ARHGAP44: variants seen among roughly 807,000 people sequenced by gnomAD.
ARHGAP44 encodes the protein rho GTPase-activating protein 44.
A neutral mutation model predicts 106.8 loss-of-function variants in ARHGAP44; 43 were observed. That is an observed-to-expected ratio of 0.40 (90% CI 0.32 to 0.52). ARHGAP44 has a LOEUF of 0.52. ARHGAP44 is among the 20% of genes least tolerant of loss of function. The pLI is 0.48. For missense variants in ARHGAP44, 866 were observed against 1,050.5 expected, an observed-to-expected ratio of 0.82 and a Z score of 2.43; for synonymous variants, 439 against 410.3, an observed-to-expected ratio of 1.07 and a Z score of -0.85.
Position 12,794,407 on chromosome 17 carries a change from C to T in ARHGAP44, c.53+4516C>T, listed in dbSNP as rs146822577. ...TCCTCAACAAATGGTTGAGGTGGTT[C>T]GTTGTCACTGAACACCCATTCAAGT... On this transcript the variant is annotated intron_variant, in intron 1 of 20. Coordinates refer to ENST00000379672, the MANE Select transcript of ARHGAP44 (RefSeq NM_014859.6). Among the ~76,000 whole-genome samples, 117 of 152,182 alleles carry T rather than the reference C, an allele frequency of 7.7e-4. 1 individual carries two copies. The highest frequency in any genetic ancestry group is 2.4e-3 in the African/African-American group (99 of 41,528).
chr17:12,876,202 C>T (rs899060498), intron 1 of ARHGAP44, among the ~76,000 whole-genome samples: 10 of 152,168 alleles, frequency 6.6e-5, no homozygotes, highest in African/African-American at 2.4e-4. Context: ...TGAGGACCTT[C>T]CTATAGCCTT....
intron 1 of ARHGAP44, among the ~76,000 whole-genome samples, chr17:12,863,167 TAAAA>T (rs1043626464): frequency 6.6e-6 from 1 of 151,818 alleles, no homozygotes; most frequent in African/African-American, 2.4e-5. Flanking sequence ...TTTAAAAAAT[TAAAA>T]AAATTTTTTT....
rs2038325890 is a variant in ARHGAP44, at chr17:12,928,986, C to T, written c.522C>T (p.Ala174=). Residue 174 remains alanine (A), a synonymous_variant, in exon 7 of 21, where the codon GCC becomes GCT. Transcript: ENST00000379672. ...CCAGCAGCTTACAGCCTGCGGGTGCCAAGGCTGATGCCCTCAGGGAAGAAA... is the reference window on the plus strand; with the variant it reads ...CCAGCAGCTTACAGCCTGCGGGTGCTAAGGCTGATGCCCTCAGGGAAGAAA... ...GLSSSLQPAG[A]KADALREEME... 6.2e-7 allele frequency: 1 copy of T among 1,613,574 alleles called. No individual in the cohort carries two copies. The highest frequency in any genetic ancestry group is 8.5e-7 in the Non-Finnish European group (1 of 1,179,734).
At chr17:12,960,718 C>G (rs1256805077) in intron 16 of ARHGAP44, among the ~76,000 whole-genome samples, 2 of 151,976 alleles carry the variant, frequency 1.3e-5, no homozygotes, top group Non-Finnish European at 2.9e-5. Context: ...CAGGAGCCAC[C>G]ATGCCTGGCT....
chr17:12,832,197 G>A (rs1332526187), intron 1 of ARHGAP44, among the ~76,000 whole-genome samples: 1 of 152,184 alleles, frequency 6.6e-6, no homozygotes, highest in Admixed American at 6.5e-5. Flanking sequence ...AGAGACTGGG[G>A]TTTTTAAAGG....
intron 1 of ARHGAP44, among the ~76,000 whole-genome samples, chr17:12,858,344 C>T (rs2035971808): frequency 6.6e-6 from 1 of 152,188 alleles, no homozygotes; most frequent in Non-Finnish European, 1.5e-5. Context: ...CCTCAGTTAC[C>T]TGGGATGGAT....
Position 12,919,785 on chromosome 17 carries a change from A to G in ARHGAP44, c.418A>G (p.Lys140Glu). The part of the protein sequence containing the change: ...VEIPNIQKQR[K>E]HLAKLVLDMD... ...AATCCCAAATATTCAAAAGCAGAGG[A>G]AACACTTAGCCAAGTTGGTGCTGGA... The change falls in exon 6 of 21, where the codon AAA (lysine) becomes GAA (glutamate). Residue 140 changes from lysine to glutamate, a missense_variant. Physicochemically the swap from Lys to Glu is moderately conservative, Grantham distance 56 (BLOSUM62 1). Transcript: ENST00000379672. 1 of 1,613,366 alleles carries G rather than the reference A, an allele frequency of 6.2e-7. No individual in the cohort carries two copies. The highest frequency in any genetic ancestry group is 8.5e-7 in the Non-Finnish European group (1 of 1,179,654).
At chr17:12,858,930 T>C (rs2035986562) in intron 1 of ARHGAP44, among the ~76,000 whole-genome samples, 1 of 152,064 alleles carries the variant, frequency 6.6e-6, no homozygotes, top group South Asian at 2.1e-4. Flanking sequence ...GGAAACCCCT[T>C]ATAAACCATC....
intron 16 of ARHGAP44, chr17:12,972,960 CATAA>C (rs2039567432): frequency 4.6e-6 from 1 of 216,836 alleles, no homozygotes; most frequent in South Asian, 1.1e-4. Context: ...GGCGCCTGGT[CATAA>C]ATAAGTAAAA....
In ARHGAP44 at chr17:12,984,581, G is replaced by T; in HGVS notation, c.1990G>T (p.Gly664Trp). ...ACCCAAGGTCCCCTTTGGCCAGCCG[G>T]GGGCTATGGCAGACCAGTCCGCTGG... ...IPPKVPFGQP[G>W]AMADQSAGQP... The change falls in exon 20 of 21, where the codon GGG (glycine) becomes TGG (tryptophan). Residue 664 changes from glycine to tryptophan, a missense_variant. Physicochemically the swap from Gly to Trp is radical, Grantham distance 184. Transcript: ENST00000379672. The T allele has an allele frequency of 6.3e-7, 1 of 1,579,874 alleles. No homozygotes were observed.
intron 3 of ARHGAP44, among the ~76,000 whole-genome samples, chr17:12,904,090 A>G (rs968159402): frequency 6.6e-6 from 1 of 150,750 alleles, no homozygotes; most frequent in African/African-American, 2.5e-5. Context: ...GCTTCCTTGT[A>G]ATTTCTTGAT....
chr17:12,975,392 C>T (rs996277165), intron 18 of ARHGAP44, among the ~76,000 whole-genome samples: 3 of 151,962 alleles, frequency 2.0e-5, no homozygotes, highest in African/African-American at 7.3e-5. Context: ...GGCCTGATGA[C>T]CTTTGCAGCT....
chr17:12,855,790 G>A lies in ARHGAP44; in HGVS notation c.54-39150G>A, dbSNP rs192396688. Among the ~76,000 whole-genome samples the A allele has an allele frequency of 9.1e-4, 138 of 152,260 alleles. 2 individuals carry two copies. In the East Asian group the frequency reaches 0.021, roughly 23 times the overall value. On this transcript the variant is annotated intron_variant, in intron 1 of 20. Coordinates refer to ENST00000379672, the MANE Select transcript of ARHGAP44 (RefSeq NM_014859.6). ...TTGAGAAACACTTGTGTGATGAAGT[G>A]TCTAGCAGAGCTCTGGCACTAAATG... is the stretch of plus-strand genomic sequence containing the variant.
At chr17:12,857,068 T>A (rs1047851778) in intron 1 of ARHGAP44, among the ~76,000 whole-genome samples, 1 of 152,214 alleles carries the variant, frequency 6.6e-6, no homozygotes, top group African/African-American at 2.4e-5. Context: ...ACTTTAAACC[T>A]CAATGACATG....
In ARHGAP44 at chr17:12,919,733, CT is replaced by C. The variant is rs770001199; in HGVS notation, c.388-18del. The C allele has an allele frequency of 3.8e-6, 6 of 1,598,220 alleles. No individual in the cohort carries two copies. The South Asian group carries it at 6.8e-5, about 18-fold the overall frequency. ...ATCTTGAGCTTCAGTTTAATTGTATCTTTTATGTTGTGTAACCACAGGTGGA... is the reference window on the plus strand; with the variant it reads ...ATCTTGAGCTTCAGTTTAATTGTATCTTTATGTTGTGTAACCACAGGTGGA... On this transcript the variant is annotated intron_variant, in intron 5 of 20. Transcript: ENST00000379672.
chr17:12,918,021 G>A (rs2037968054), intron 5 of ARHGAP44, among the ~76,000 whole-genome samples: 1 of 152,168 alleles, frequency 6.6e-6, no homozygotes, highest in South Asian at 2.1e-4. Context: ...CGTGGATGAA[G>A]TTCTTTGGGA....
At chr17:12,866,682 T>C (rs570991181) in intron 1 of ARHGAP44, among the ~76,000 whole-genome samples, 1 of 152,330 alleles carries the variant, frequency 6.6e-6, no homozygotes, top group South Asian at 2.1e-4. Flanking sequence ...GAACCTGGGC[T>C]TGTACAGCAT....
intron 13 of ARHGAP44, among the ~76,000 whole-genome samples, chr17:12,954,088 G>A (rs948240484): frequency 2.0e-5 from 3 of 151,216 alleles, no homozygotes; most frequent in Non-Finnish European, 4.4e-5. Context: ...AGTAGAGACG[G>A]GGTTTCACCA....
intron 7 of ARHGAP44, among the ~76,000 whole-genome samples, chr17:12,934,287 C>T (rs2038483731): frequency 6.6e-6 from 1 of 152,086 alleles, no homozygotes; most frequent in African/African-American, 2.4e-5. Context: ...GAAAGTCAAA[C>T]TTGAGTCTGG....
Sources: allele counts gnomAD v4.1 joint callset (sites outside exome capture counted in the v4.1 genomes callset), GRCh38; gene constraint gnomAD v4.1.1; transcripts MANE v1.5; gene names NCBI Gene and HGNC (gene_info 2026-07-23, HGNC 2026-07-21).